The following TSKU variants were observed in gnomAD, a reference collection of about 807,000 sequenced individuals.
The protein encoded by TSKU is tsukushi.
In TSKU, 4 loss-of-function variants were observed where a neutral mutation model predicts 11.2. The ratio of observed to expected loss-of-function variants is 0.36; its 90% CI spans 0.18 to 0.82. The LOEUF (loss-of-function observed/expected upper bound fraction) is 0.82. TSKU is among the 40% of genes least tolerant of loss of function. The pLI, the probability that TSKU is intolerant of heterozygous loss-of-function variation, is 0.50. For synonymous variants in TSKU, 220 were observed against 232.2 expected (o/e 0.95, Z 0.48); for missense variants, 407 against 482.5 (o/e 0.84, Z 1.47).
intron 1 of TSKU, among the ~76,000 whole-genome samples, chr11:76,787,352 A>C (rs561597974): frequency 6.6e-6 from 1 of 152,176 alleles, no homozygotes; most frequent in Non-Finnish European, 1.5e-5. Flanking sequence ...CTCCCTGTAG[A>C]TTATCCTCCT....
chr11:76,783,940 A>G (rs1944274243), intron 1 of TSKU, among the ~76,000 whole-genome samples: 1 of 145,896 alleles, frequency 6.9e-6, no homozygotes, highest in African/African-American at 2.5e-5. Context: ...CGGGCCCACG[A>G]CTTGGCTCCA....
chr11:76,792,674 T>G (rs959273284), intron 1 of TSKU: 2 of 153,416 alleles, frequency 1.3e-5, no homozygotes, highest in African/African-American at 2.4e-5. Flanking sequence ...GGGCTTCAGC[T>G]TTTGCTTCCT....
chr11:76,796,042 G>C lies in TSKU; in HGVS notation c.426G>C (p.Gln142His), dbSNP rs202227155. The part of the protein sequence containing the change: ...PLSDVNLSHN[Q>H]LREVSVSAFT... ...GCGACGTGAACCTTAGCCACAACCAGCTCCGGGAGGTCTCAGTGTCTGCCT... is the reference window on the plus strand; with the variant it reads ...GCGACGTGAACCTTAGCCACAACCACCTCCGGGAGGTCTCAGTGTCTGCCT... Residue 142 changes from glutamine (Q) to histidine (H), a missense_variant, in exon 2 of 2, where the codon CAG (glutamine) becomes CAC (histidine). Gln to His is a conservative substitution (Grantham distance 24). Coordinates refer to ENST00000333090, the MANE Select transcript of TSKU (RefSeq NM_015516.4). This position sits in a 1 kb window ranked among gnomAD's most constrained non-coding sequence, Gnocchi z 4.1. The C allele has an allele frequency of 6.2e-7, 1 of 1,613,892 alleles. No individual in the cohort carries two copies. The highest frequency in any genetic ancestry group is 8.5e-7 in the Non-Finnish European group (1 of 1,180,002).
chr11:76,790,883 G>C (rs1289742260), intron 1 of TSKU, among the ~76,000 whole-genome samples: 1 of 152,176 alleles, frequency 6.6e-6, no homozygotes, highest in Non-Finnish European at 1.5e-5. Flanking sequence ...AACAAGCAGA[G>C]GTTGGAACAG....
rs753490849 is a variant in TSKU, at chr11:76,796,239, G to A, written c.623G>A (p.Arg208His). Residue 208 changes from arginine (R) to histidine (H), a missense_variant, in exon 2 of 2, where the codon CGC (arginine) becomes CAC (histidine). By Grantham distance (29) the Arg-to-His change is conservative. Transcript: ENST00000333090. This position sits in a 1 kb window ranked among gnomAD's most constrained non-coding sequence, Gnocchi z 4.1. ...CCCAACCTCCGAGACTTGCCCCTGC[G>A]CTACCTGAGCCTGGATGGGAACCCT... ...AVPNLRDLPL[R>H]YLSLDGNPLA... is the part of the protein sequence containing the mutation. 13 of 1,613,212 alleles carry A rather than the reference G, an allele frequency of 8.1e-6. No individual in the cohort carries two copies. Among genetic ancestry groups the A allele is most frequent in the Admixed American group, 1.7e-5 (1 of 59,964 alleles).
chr11:76,795,478 T>C, intron 1 of TSKU, 131 bp from the exon 2 acceptor site: 2 of 1,074,782 alleles, frequency 1.9e-6, no homozygotes, highest in East Asian at 2.6e-5. Flanking sequence ...CTCTGGGGAG[T>C]GTTCCAGGAA....
chr11:76,795,926 T>A lies in TSKU; in HGVS notation c.310T>A (p.Phe104Ile). The A allele has an allele frequency of 6.2e-7, 1 of 1,613,912 alleles. No homozygotes were observed. The highest frequency in any genetic ancestry group is 8.5e-7 in the Non-Finnish European group (1 of 1,180,018). The change falls in exon 2 of 2, where the codon TTC (phenylalanine) becomes ATC (isoleucine). Residue 104 changes from phenylalanine to isoleucine, a missense_variant. By Grantham distance (21) the Phe-to-Ile change is conservative. Coordinates refer to ENST00000333090, the MANE Select transcript of TSKU (RefSeq NM_015516.4). ...NLLTSISPTA[F>I]SRLRYLESLD... Reference sequence around the variant, plus strand: ...GCTCACCAGCATCTCACCCACTGCCTTCTCCCGCCTTCGCTACCTGGAGTC... The same window carrying A: ...GCTCACCAGCATCTCACCCACTGCCATCTCCCGCCTTCGCTACCTGGAGTC...
At chr11:76,784,408 G>C (rs1431449255) in intron 1 of TSKU, 1 of 152,366 alleles carries the variant, frequency 6.6e-6, no homozygotes, top group Non-Finnish European at 1.5e-5. Flanking sequence ...GGGCATGCCC[G>C]AGGCGCCGGC....
Position 76,796,228 on chromosome 11 carries a change from C to G in TSKU, c.612C>G (p.Asp204Glu). Reference sequence around the variant, plus strand: ...TCCATGCCGTGCCCAACCTCCGAGACTTGCCCCTGCGCTACCTGAGCCTGG... The same window carrying G: ...TCCATGCCGTGCCCAACCTCCGAGAGTTGCCCCTGCGCTACCTGAGCCTGG... ...NRLHAVPNLR[D>E]LPLRYLSLDG... The change falls in exon 2 of 2, where the codon GAC becomes GAG. Residue 204 changes from aspartate to glutamate, a missense_variant. Physicochemically the swap from Asp to Glu is conservative, Grantham distance 45. Transcript: ENST00000333090. The surrounding 1 kb of genome is among the most constrained non-coding windows in gnomAD (Gnocchi z 4.1). The G allele has an allele frequency of 6.2e-7, 1 of 1,613,696 alleles. No homozygotes were observed. The highest frequency in any genetic ancestry group is 1.1e-5 in the South Asian group (1 of 91,078).
Position 76,797,081 on chromosome 11 carries a change from GC to G in TSKU, c.*406del, listed in dbSNP as rs1452425738. On this transcript the variant is annotated 3_prime_UTR_variant, in exon 2 of 2. Coordinates refer to ENST00000333090, the MANE Select transcript of TSKU (RefSeq NM_015516.4). ...GGCTGAGTGTCCCCTTGGGCCCATG[GC>G]CCAGTCACTCAGGGGCGAGTTTCTT... 1 of 184,422 alleles carries G rather than the reference GC, an allele frequency of 5.4e-6. No homozygotes were observed. Among genetic ancestry groups the G allele is most frequent in the East Asian group, 1.6e-4 (1 of 6,114 alleles). 11.4% of individuals were successfully genotyped at this position (184,422 alleles called of 1,614,324 possible). A position where few individuals can be genotyped will look rare whatever the true frequency, so the allele number is the denominator to read the frequency against.
Position 76,784,751 on chromosome 11 carries a change from G to C in TSKU, c.-9+1347G>C, listed in dbSNP as rs890573693. Among the ~76,000 whole-genome samples the C allele has an allele frequency of 1.0e-3, 136 of 135,264 alleles. 3 individuals are homozygous for C. Among genetic ancestry groups the C allele is most frequent in the Non-Finnish European group, 1.3e-3 (87 of 65,036 alleles). 88.7% of individuals were successfully genotyped at this position (135,264 alleles called of 152,430 possible). Reference sequence around the variant, plus strand: ...TGCCTGGGGCTGACCGGAGGTGGGGGGGGGGGGGTGCTCAGAGCTGCAGGA... The same window carrying C: ...TGCCTGGGGCTGACCGGAGGTGGGGCGGGGGGGGTGCTCAGAGCTGCAGGA... On this transcript the variant is annotated intron_variant, in intron 1 of 1. Transcript: ENST00000333090.
At chr11:76,795,472 G>A in intron 1 of TSKU, 137 bp from the exon 2 acceptor site, 2 of 1,039,844 alleles carry the variant, frequency 1.9e-6, no homozygotes, top group Non-Finnish European at 2.7e-6. Context: ...TAGGAACTCT[G>A]GGGAGTGTTC....
chr11:76,785,531 G>A (rs1037375405), intron 1 of TSKU, among the ~76,000 whole-genome samples: 1 of 152,206 alleles, frequency 6.6e-6, no homozygotes, highest in Non-Finnish European at 1.5e-5. Flanking sequence ...CCCACAAAAG[G>A]ATCAGCATGT....
Position 76,795,952 on chromosome 11 carries a change from G to C in TSKU, c.336G>C (p.Ser112=). 2 of 1,613,884 alleles carry C rather than the reference G, an allele frequency of 1.2e-6. No homozygotes were observed. The highest frequency in any genetic ancestry group is 1.1e-5 in the South Asian group (1 of 91,072). ...TAFSRLRYLE[S]LDLSHNGLTA... The stretch of plus-strand genomic sequence containing the variant: ...TCTCCCGCCTTCGCTACCTGGAGTC[G>C]CTTGACCTCAGCCACAATGGCCTGA... The change falls in exon 2 of 2, where the codon TCG becomes TCC. Residue 112 remains serine (S), a synonymous_variant. Transcript: ENST00000333090.
intron 1 of TSKU, among the ~76,000 whole-genome samples, chr11:76,791,515 C>G (rs1037546031): frequency 8.8e-6 from 1 of 113,724 alleles, no homozygotes; most frequent in Non-Finnish European, 2.1e-5. Flanking sequence ...GACTTGGTGT[C>G]CTGTGTCCCA....
chr11:76,786,484 G>A (rs995783611), intron 1 of TSKU, among the ~76,000 whole-genome samples: 1 of 152,226 alleles, frequency 6.6e-6, no homozygotes, highest in Non-Finnish European at 1.5e-5. Context: ...AAGAGTCACA[G>A]GCCTCTAGAC....
At chr11:76,782,818 T>A (rs780411224), upstream of TSKU, 5 of 152,200 alleles carry the variant, frequency 3.3e-5, no homozygotes, top group Non-Finnish European at 7.3e-5. Context: ...TTCAGATTCT[T>A]GGTTTCTTGC....
In TSKU at chr11:76,797,211, C is replaced by T. The variant is rs1944465676; in HGVS notation, c.*533C>T. 6.0e-6 allele frequency: 1 copy of T among 167,194 alleles called. No homozygotes were observed. The highest frequency in any genetic ancestry group is 2.1e-4 in the South Asian group (1 of 4,836). The allele number at this position is 167,194 out of a possible 1,614,324, so 10.4% of individuals were successfully genotyped here. ...AGAAGGAATTGCAAAGAATCAAGTC[C>T]ACCCTTCTCATGTGACAGATGGGGA... On this transcript the variant is annotated 3_prime_UTR_variant, in exon 2 of 2. Transcript: ENST00000333090.
chr11:76,787,453 C>A (rs1277604656), intron 1 of TSKU, among the ~76,000 whole-genome samples: 1 of 152,170 alleles, frequency 6.6e-6, no homozygotes, highest in South Asian at 2.1e-4. Context: ...CTGGGTCCAG[C>A]CCCTGTCCTC....
Sources: allele counts gnomAD v4.1 joint callset (sites outside exome capture counted in the v4.1 genomes callset), GRCh38; gene constraint gnomAD v4.1.1; non-coding constraint Gnocchi (gnomAD v3.1); transcripts MANE v1.5; gene names NCBI Gene and HGNC (gene_info 2026-07-23, HGNC 2026-07-21).